Variants in ZNF678 observed in about 807,000 individuals in gnomAD.
ZNF678 encodes hypothetical protein MGC42493.
Under a neutral mutation model 3.0 loss-of-function variants are expected in ZNF678, and 5 were observed. The observed-to-expected ratio is 1.69, with a 90% CI of 0.88 to 3.56. The LOEUF (loss-of-function observed/expected upper bound fraction) is 3.56, where lower values mean the gene tolerates loss of function less well. Among genes scored for constraint, ZNF678 ranks in the 30% most tolerant of loss-of-function variants. The probability of loss-of-function intolerance (pLI) is 0.00; values close to 1 mark genes in which losing one functional copy is unlikely to be tolerated. For synonymous variants in ZNF678, 218 were observed against 199.6 expected (o/e 1.09, Z -0.78); for missense variants, 593 against 605.0 (o/e 0.98, Z 0.21).
At chr1:227,584,544 T>G (rs543903890) in intron 1 of ZNF678, among the ~76,000 whole-genome samples, 41 of 152,234 alleles carry the variant, frequency 2.7e-4, no homozygotes, top group Non-Finnish European at 5.4e-4. Context: ...AAATTACATG[T>G]CAAACATGTT....
At chr1:227,565,757 T>C (rs1310887364) in intron 1 of ZNF678, among the ~76,000 whole-genome samples, 2 of 151,650 alleles carry the variant, frequency 1.3e-5, no homozygotes. Flanking sequence ...AGCCACTCTT[T>C]TTTATTTTTA....
Position 227,600,101 on chromosome 1 carries a change from C to T in ZNF678, c.-164+36377C>T, listed in dbSNP as rs149678142. On this transcript the variant is annotated intron_variant, in intron 1 of 3. Transcript: ENST00000343776. ...CTGCATTAGTAGCTAATAATAATGG[C>T]CTCCCACTCCACCCATGCTTCTGTG... is the stretch of plus-strand genomic sequence containing the variant. Among the ~76,000 whole-genome samples the T allele has an allele frequency of 3.3e-3, 496 of 152,104 alleles. 2 individuals are homozygous for T. The highest frequency in any genetic ancestry group is 5.1e-3 in the Non-Finnish European group (345 of 67,988).
At chr1:227,610,023 G>A (rs1231059299) in intron 1 of ZNF678, among the ~76,000 whole-genome samples, 1 of 152,122 alleles carries the variant, frequency 6.6e-6, no homozygotes, top group Non-Finnish European at 1.5e-5. Flanking sequence ...GTGAGCCACC[G>A]CGCTCGACCC....
chr1:227,621,763 ATG>A lies in ZNF678; in HGVS notation c.-163-24780_-163-24779del, dbSNP rs1658285868. Reference sequence around the variant, plus strand: ...TGGACTTTTGGCCAAGGGAATCCCAATGAAACCTGAAAAACTAATTTAGGCTA... The same window carrying A: ...TGGACTTTTGGCCAAGGGAATCCCAAAAACCTGAAAAACTAATTTAGGCTA... On this transcript the variant is annotated intron_variant, in intron 1 of 3. Coordinates refer to ENST00000343776, the MANE Select transcript of ZNF678 (RefSeq NM_001367909.1). Among the ~76,000 whole-genome samples, 3 of 152,330 alleles carry A rather than the reference ATG, an allele frequency of 2.0e-5. No homozygotes were observed. In the South Asian group the frequency reaches 6.2e-4, roughly 32 times the overall value.
In ZNF678 at chr1:227,657,178, T is replaced by C. The variant is rs559297016; in HGVS notation, c.*1350T>C. 11 of 152,064 alleles carry C rather than the reference T, an allele frequency of 7.2e-5. No individual in the cohort carries two copies. Among genetic ancestry groups the C allele is most frequent in the Admixed American group, 6.6e-4 (10 of 15,250 alleles). 9.4% of individuals were successfully genotyped at this position (152,064 alleles called of 1,614,324 possible). On this transcript the variant is annotated 3_prime_UTR_variant, in exon 4 of 4. Coordinates refer to ENST00000343776, the MANE Select transcript of ZNF678 (RefSeq NM_001367909.1). The stretch of plus-strand genomic sequence containing the variant: ...AGTTAGTGTGTTCTCTGTTAGTTCA[T>C]GTGAAAGCTGGTTGTTAAAAACAAA...
chr1:227,622,018 G>C (rs931340911), intron 1 of ZNF678, among the ~76,000 whole-genome samples: 3 of 152,186 alleles, frequency 2.0e-5, no homozygotes. Flanking sequence ...ATATTTTGTT[G>C]TACATATTTT....
At chr1:227,624,880 C>T (rs899844923) in intron 1 of ZNF678, among the ~76,000 whole-genome samples, 9 of 152,156 alleles carry the variant, frequency 5.9e-5, no homozygotes, top group Non-Finnish European at 1.3e-4. Context: ...GGCACAGCAG[C>T]GATCAGCAGT....
At position 227,650,938 on chromosome 1, in the gene ZNF678, C is replaced by A; in HGVS notation, c.-36-18C>A. Reference sequence around the variant, plus strand: ...TTATGGCTTTTAAAAAATTTTCTTGCCTAATTGTTCTGTCTAGGACTTCCA... The same window carrying A: ...TTATGGCTTTTAAAAAATTTTCTTGACTAATTGTTCTGTCTAGGACTTCCA... On this transcript the variant is annotated intron_variant, in intron 2 of 3. Coordinates refer to ENST00000343776, the MANE Select transcript of ZNF678 (RefSeq NM_001367909.1). The A allele has an allele frequency of 1.3e-6, 2 of 1,513,250 alleles. No homozygotes were observed. The highest frequency in any genetic ancestry group is 1.8e-6 in the Non-Finnish European group (2 of 1,126,328). 93.7% of individuals were successfully genotyped at this position (1,513,250 alleles called of 1,614,324 possible). A position where few individuals can be genotyped will look rare whatever the true frequency, so the allele number is the denominator to read the frequency against.
chr1:227,639,080 ATGGGGGCGGTCCTTGC>A lies in ZNF678; in HGVS notation c.-163-7442_-163-7427del, dbSNP rs898752835. On this transcript the variant is annotated intron_variant, in intron 1 of 3. Transcript: ENST00000343776. Reference sequence around the variant, plus strand: ...GAGGTTTTGGCCTGCTCGGGAAGGGATGGGGGCGGTCCTTGCTGGGGGCGGTCCTTGCTGGGGCCGC... The same window carrying A: ...GAGGTTTTGGCCTGCTCGGGAAGGGATGGGGGCGGTCCTTGCTGGGGCCGC... Among the ~76,000 whole-genome samples the A allele has an allele frequency of 9.9e-5, 15 of 152,060 alleles. No individual in the cohort carries two copies. The East Asian group carries it at 1.4e-3, about 14-fold the overall frequency.
At chr1:227,576,758 T>G (rs1219423762) in intron 1 of ZNF678, among the ~76,000 whole-genome samples, 1 of 152,232 alleles carries the variant, frequency 6.6e-6, no homozygotes, top group Admixed American at 6.5e-5. Flanking sequence ...CTGATTTTGG[T>G]TATGTCTTGC....
chr1:227,580,220 G>A (rs1307121218), intron 1 of ZNF678, among the ~76,000 whole-genome samples: 1 of 152,016 alleles, frequency 6.6e-6, no homozygotes, highest in Non-Finnish European at 1.5e-5. Context: ...TCCACTCTCA[G>A]CGCCTTTCCT....
chr1:227,619,597 T>C (rs1439920581), intron 1 of ZNF678, among the ~76,000 whole-genome samples: 4 of 152,052 alleles, frequency 2.6e-5, no homozygotes, highest in Non-Finnish European at 5.9e-5. Flanking sequence ...CTGCAAGCTC[T>C]GCCTCCTGGG....
At chr1:227,619,670 A>G (rs1471355487) in intron 1 of ZNF678, among the ~76,000 whole-genome samples, 1 of 151,650 alleles carries the variant, frequency 6.6e-6, no homozygotes, top group African/African-American at 2.4e-5. Flanking sequence ...GCCCACCACG[A>G]CTGGCTAATT....
intron 1 of ZNF678, among the ~76,000 whole-genome samples, chr1:227,590,671 T>G (rs1413666265): frequency 6.6e-6 from 1 of 151,840 alleles, no homozygotes; most frequent in Non-Finnish European, 1.5e-5. Flanking sequence ...AAAGATGGTT[T>G]AATAGTGCCA....
downstream of ZNF678, among the ~76,000 whole-genome samples, chr1:227,679,554 C>T (rs971001888): frequency 6.6e-6 from 1 of 151,084 alleles, no homozygotes; most frequent in Non-Finnish European, 1.5e-5. Context: ...CTCATGCAGA[C>T]CCCCTTAGAG....
downstream of ZNF678, among the ~76,000 whole-genome samples, chr1:227,678,833 A>C (rs916978564): frequency 3.3e-5 from 5 of 152,210 alleles, no homozygotes; most frequent in Admixed American, 6.5e-5. Context: ...GCTGGGTTTT[A>C]GGACTCTTCT....
Position 227,654,662 on chromosome 1 carries a change from T to A in ZNF678, c.412T>A (p.Ser138Thr). The A allele has an allele frequency of 6.2e-7, 1 of 1,613,120 alleles. No individual in the cohort carries two copies. The highest frequency in any genetic ancestry group is 1.1e-5 in the South Asian group (1 of 91,034). ...ATGTGGCAAAGTTTTCAATCGATGTTCAAACCTAACAAAACATAAAAGAAT... is the reference window on the plus strand; with the variant it reads ...ATGTGGCAAAGTTTTCAATCGATGTACAAACCTAACAAAACATAAAAGAAT... The part of the protein sequence containing the change: ...EECGKVFNRC[S>T]NLTKHKRIHT... The change falls in exon 4 of 4, where the codon TCA becomes ACA. Residue 138 changes from serine (S) to threonine (T), a missense_variant. Coordinates refer to ENST00000343776, the MANE Select transcript of ZNF678 (RefSeq NM_001367909.1).
chr1:227,604,707 G>A lies in ZNF678; in HGVS notation c.-164+40983G>A, dbSNP rs557159946. Among the ~76,000 whole-genome samples, 5 of 152,012 alleles carry A rather than the reference G, an allele frequency of 3.3e-5. No homozygotes were observed. The East Asian group carries it at 7.7e-4, about 24-fold the overall frequency. ...CCCGGCCTCCCTGAAGTTTTGATTAGCATTTTTCTAATGACTAATGTTAAG... is the reference window on the plus strand; with the variant it reads ...CCCGGCCTCCCTGAAGTTTTGATTAACATTTTTCTAATGACTAATGTTAAG... On this transcript the variant is annotated intron_variant, in intron 1 of 3. Transcript: ENST00000343776.
At chr1:227,588,206 C>G (rs887546391) in intron 1 of ZNF678, among the ~76,000 whole-genome samples, 1 of 152,116 alleles carries the variant, frequency 6.6e-6, no homozygotes, top group Non-Finnish European at 1.5e-5. Flanking sequence ...TGTGCATGTA[C>G]TATATTTTCT....
Sources: allele counts gnomAD v4.1 joint callset (sites outside exome capture counted in the v4.1 genomes callset), GRCh38; gene constraint gnomAD v4.1.1; transcripts MANE v1.5; gene names NCBI Gene and HGNC (gene_info 2026-07-23, HGNC 2026-07-21).